Variants in STK3 observed in about 807,000 individuals in gnomAD.
The protein encoded by STK3 is serine/threonine-protein kinase 3.
Under a neutral mutation model 58.0 loss-of-function variants are expected in STK3, and 41 were observed. The ratio of observed to expected loss-of-function variants is 0.71; its 90% CI spans 0.55 to 0.92. The LOEUF is 0.92. STK3 is among the 40% of genes least tolerant of loss of function. The pLI, the probability that STK3 is intolerant of heterozygous loss-of-function variation, is 0.00. For missense variants in STK3, 479 were observed against 602.7 expected (o/e 0.79, Z 2.15); for synonymous variants, 170 against 191.0 (o/e 0.89, Z 0.91).
At chr8:98,873,517 G>A (rs1323669977) in intron 3 of STK3, among the ~76,000 whole-genome samples, 1 of 152,200 alleles carries the variant, frequency 6.6e-6, no homozygotes, top group East Asian at 1.9e-4. Context: ...ATGAATCTGT[G>A]TGCTCCTGTA....
At chr8:98,350,638 C>T in the STK3 span, among the ~76,000 whole-genome samples, 1 of 152,174 alleles carries the variant, frequency 6.6e-6, no homozygotes, top group Admixed American at 6.5e-5. Flanking sequence ...GAGGAGGCCT[C>T]ACAATCATGG....
chr8:98,507,013 G>A (rs762569515), intron 10 of STK3, among the ~76,000 whole-genome samples: 10 of 152,078 alleles, frequency 6.6e-5, no homozygotes, highest in Admixed American at 1.3e-4. Flanking sequence ...AGCAGCCATG[G>A]GAAATGAATA....
At chr8:98,613,351 A>T (rs528786837) in intron 6 of STK3, among the ~76,000 whole-genome samples, 1 of 152,266 alleles carries the variant, frequency 6.6e-6, no homozygotes, top group South Asian at 2.1e-4. Context: ...AAAATCACAA[A>T]CTGACCAAAA....
intron 9 of STK3, among the ~76,000 whole-genome samples, chr8:98,544,650 AC>A (rs1386842415): frequency 5.2e-4 from 1 of 1,906 alleles, no homozygotes; most frequent in East Asian, 0.028. Flanking sequence ...TTCTACTATA[AC>A]ACACACACAC....
rs142070261 is a variant in STK3, at chr8:98,582,320, C to T, written c.823-2531G>A. Among the ~76,000 whole-genome samples, 8 of 151,948 alleles carry T rather than the reference C, an allele frequency of 5.3e-5. No individual in the cohort carries two copies. In the East Asian group the frequency reaches 1.4e-3, roughly 26 times the overall value. On this transcript the variant is annotated intron_variant, in intron 7 of 10. Coordinates refer to ENST00000419617, the MANE Select transcript of STK3 (RefSeq NM_006281.4). ...AACCCTTCATATAATCAGCCCCTTG[C>T]CTGACATAAATATATATATATATTT...
chr8:98,887,663 G>A (rs1026194588), intron 1 of STK3, among the ~76,000 whole-genome samples: 7 of 152,060 alleles, frequency 4.6e-5, no homozygotes, highest in Admixed American at 4.6e-4. Flanking sequence ...CCATAGAAAT[G>A]GAGATGACTG....
intron 6 of STK3, among the ~76,000 whole-genome samples, chr8:98,649,298 A>G (rs986433767): frequency 6.6e-6 from 1 of 152,104 alleles, no homozygotes; most frequent in Non-Finnish European, 1.5e-5. Context: ...CCGCTTATCT[A>G]TTGAGTTTGC....
intron 1 of STK3, among the ~76,000 whole-genome samples, chr8:98,805,898 T>C (rs1833859139): frequency 6.6e-6 from 1 of 152,078 alleles, no homozygotes; most frequent in South Asian, 2.1e-4. Flanking sequence ...AAATTTTCTC[T>C]GGGAAGTTTA....
At chr8:98,916,949 A>T (rs1007521942) in intron 1 of STK3, among the ~76,000 whole-genome samples, 2 of 152,216 alleles carry the variant, frequency 1.3e-5, no homozygotes, top group Non-Finnish European at 2.9e-5. Flanking sequence ...AATGGGAAAG[A>T]GCCAATCATG....
intron 4 of STK3, among the ~76,000 whole-genome samples, chr8:98,734,812 T>C (rs1320261820): frequency 6.6e-6 from 1 of 152,010 alleles, no homozygotes; most frequent in Non-Finnish European, 1.5e-5. Context: ...CTTTTAAAAC[T>C]TGAAAACACT....
chr8:98,879,179 T>A (rs986328938), downstream of STK3: 1 of 152,250 alleles, frequency 6.6e-6, no homozygotes, highest in East Asian at 1.9e-4. Flanking sequence ...TCCTGTATAC[T>A]TTAAATCATC....
intron 3 of STK3, among the ~76,000 whole-genome samples, chr8:98,877,170 G>A (rs1229789193): frequency 1.3e-5 from 2 of 152,140 alleles, no homozygotes; most frequent in Non-Finnish European, 2.9e-5. Context: ...AAGTAAACAG[G>A]TCTTTTAAGG....
intron 1 of STK3, among the ~76,000 whole-genome samples, chr8:98,775,267 T>C (rs913115011): frequency 1.3e-5 from 2 of 152,082 alleles, no homozygotes; most frequent in African/African-American, 2.4e-5. Flanking sequence ...ATACCCACAA[T>C]GGAAAATGCC....
chr8:98,364,222 TG>T, the STK3 span, among the ~76,000 whole-genome samples: 1 of 152,178 alleles, frequency 6.6e-6, no homozygotes, highest in African/African-American at 2.4e-5. Context: ...CGGCAGATGC[TG>T]GGTCTCACAT....
intron 6 of STK3, among the ~76,000 whole-genome samples, chr8:98,648,406 A>G (rs762708408): frequency 6.6e-6 from 1 of 152,200 alleles, no homozygotes; most frequent in African/African-American, 2.4e-5. Flanking sequence ...CTGCAAAAAG[A>G]TCCTTGCTTT....
chr8:98,625,767 G>T (rs878918388), intron 6 of STK3, among the ~76,000 whole-genome samples: 3 of 152,144 alleles, frequency 2.0e-5, no homozygotes, highest in Admixed American at 2.0e-4. Context: ...AAAGTTGTGA[G>T]GAAGAAAAAG....
At chr8:98,897,267 T>C (rs1164573485) in intron 1 of STK3, among the ~76,000 whole-genome samples, 1 of 152,032 alleles carries the variant, frequency 6.6e-6, no homozygotes, top group East Asian at 1.9e-4. Context: ...GCAAAAGAAA[T>C]GTCTTTTTGG....
intron 10 of STK3, among the ~76,000 whole-genome samples, chr8:98,509,898 T>C (rs1313833168): frequency 1.3e-5 from 2 of 152,056 alleles, no homozygotes; most frequent in Non-Finnish European, 2.9e-5. Context: ...TAAAGTATAA[T>C]ATCTAATGCT....
chr8:98,784,542 T>A (rs1211878981), intron 1 of STK3, among the ~76,000 whole-genome samples: 2 of 152,106 alleles, frequency 1.3e-5, no homozygotes, highest in South Asian at 4.1e-4. Flanking sequence ...TTGGAGCAAC[T>A]GTTTGCCTGG....
Sources: gnomAD v4.1 joint callset for allele counts (sites outside exome capture counted in the v4.1 genomes callset) on GRCh38, gnomAD v4.1.1 for gene constraint, MANE v1.5 for transcripts, NCBI Gene and HGNC (gene_info 2026-07-23, HGNC 2026-07-21) for gene names.